CBFA2T2: variants seen among roughly 807,000 people sequenced by gnomAD.
CBFA2T2 encodes the protein protein CBFA2T2.
CBFA2T2 carries 11 observed loss-of-function variants against 62.2 expected under a neutral mutation model. That is an observed-to-expected ratio of 0.18 (90% CI 0.11 to 0.29). The LOEUF (loss-of-function observed/expected upper bound fraction) is 0.29, where lower values mean the gene tolerates loss of function less well. Among genes scored for constraint, CBFA2T2 ranks in the 10% least tolerant of loss-of-function variants. The pLI is 1.00. For missense variants in CBFA2T2, 592 were observed against 774.1 expected, an observed-to-expected ratio of 0.76 and a Z score of 2.79; for synonymous variants, 295 against 287.5, an observed-to-expected ratio of 1.03 and a Z score of -0.27.
intron 1 of CBFA2T2, among the ~76,000 whole-genome samples, chr20:33,505,156 A>G (rs2011380305): frequency 6.6e-6 from 1 of 152,102 alleles, no homozygotes; most frequent in Non-Finnish European, 1.5e-5. Context: ...AGAATGTGAG[A>G]GTGTGGCTTT....
chr20:33,569,547 A>G (rs1241397012), intron 1 of CBFA2T2, among the ~76,000 whole-genome samples: 1 of 152,214 alleles, frequency 6.6e-6, no homozygotes, highest in Non-Finnish European at 1.5e-5. Context: ...AGGACAATCC[A>G]AAGTTGTTAT....
At chr20:33,523,525 A>AGCT (rs1156393422) in intron 1 of CBFA2T2, among the ~76,000 whole-genome samples, 2 of 152,206 alleles carry the variant, frequency 1.3e-5, no homozygotes, top group Non-Finnish European at 2.9e-5. Flanking sequence ...TCTAGATGAG[A>AGCT]GAGGTTTTAC....
chr20:33,490,694 C>T (rs1004535559), intron 1 of CBFA2T2, among the ~76,000 whole-genome samples: 4 of 152,170 alleles, frequency 2.6e-5, no homozygotes, highest in Admixed American at 1.3e-4. Context: ...TGAGAATGGC[C>T]CCTCGGAGGG....
chr20:33,588,326 T>A (rs1601015756), intron 1 of CBFA2T2, among the ~76,000 whole-genome samples: 1 of 151,492 alleles, frequency 6.6e-6, no homozygotes, highest in African/African-American at 2.4e-5. Flanking sequence ...AACTATTTTT[T>A]ATAAATAGAA....
intron 1 of CBFA2T2, among the ~76,000 whole-genome samples, chr20:33,559,513 G>T (rs1291461363): frequency 6.6e-6 from 1 of 151,578 alleles, no homozygotes; most frequent in African/African-American, 2.4e-5. Context: ...GTTGAGACAG[G>T]GTCTTCCTCT....
intron 8 of CBFA2T2, among the ~76,000 whole-genome samples, chr20:33,635,121 C>G (rs1197475400): frequency 1.3e-5 from 2 of 152,186 alleles, no homozygotes; most frequent in Non-Finnish European, 2.9e-5. Flanking sequence ...TTGAATCAGT[C>G]TACCAAGTAG....
chr20:33,594,759 T>C (rs1444147115), intron 1 of CBFA2T2, among the ~76,000 whole-genome samples: 1 of 152,244 alleles, frequency 6.6e-6, no homozygotes, highest in Non-Finnish European at 1.5e-5. Context: ...TCTCTGACTT[T>C]GGCTGCGTAT....
At chr20:33,597,545 T>C (rs569336695) in intron 1 of CBFA2T2, among the ~76,000 whole-genome samples, 2 of 152,302 alleles carry the variant, frequency 1.3e-5, no homozygotes, top group Non-Finnish European at 2.9e-5. Flanking sequence ...GCCATGGCAT[T>C]AGATTCTCAT....
chr20:33,603,809 T>A (rs1486834144), intron 1 of CBFA2T2, among the ~76,000 whole-genome samples: 1 of 152,236 alleles, frequency 6.6e-6, no homozygotes, highest in Non-Finnish European at 1.5e-5. Flanking sequence ...AGCACATAAC[T>A]ATCATTTTCA....
At chr20:33,551,253 G>C (rs1600959671) in intron 1 of CBFA2T2, among the ~76,000 whole-genome samples, 1 of 141,554 alleles carries the variant, frequency 7.1e-6, no homozygotes, top group Non-Finnish European at 1.5e-5. Context: ...TTTCGCTGTT[G>C]TCGCCCAGGC....
At chr20:33,570,578 G>A (rs2013520621) in intron 1 of CBFA2T2, among the ~76,000 whole-genome samples, 1 of 152,164 alleles carries the variant, frequency 6.6e-6, no homozygotes, top group African/African-American at 2.4e-5. Flanking sequence ...TTTGGAGCTA[G>A]TACATGTTGG....
chr20:33,643,141 TG>T (rs1350122856), intron 10 of CBFA2T2, among the ~76,000 whole-genome samples: 1 of 152,112 alleles, frequency 6.6e-6, no homozygotes, highest in Non-Finnish European at 1.5e-5. Flanking sequence ...TGGTCTGGTG[TG>T]GGGGAGGAAG....
At chr20:33,581,480 T>TTGTGTGTG (rs3051490) in intron 1 of CBFA2T2, among the ~76,000 whole-genome samples, 2,254 of 150,656 alleles carry the variant, frequency 0.015, 50 homozygotes, top group African/African-American at 0.052. Flanking sequence ...TTTTTGTTCT[T>TTGTGTGTG]TGTGTGTGTG....
In CBFA2T2 at chr20:33,612,671, A is replaced by G. The variant is rs2015572344; in HGVS notation, c.420+1336A>G. Among the ~76,000 whole-genome samples, 4 of 152,322 alleles carry G rather than the reference A, an allele frequency of 2.6e-5. No homozygotes were observed. In the East Asian group the frequency reaches 5.8e-4, roughly 22 times the overall value. ...AAAAATCACACCTCAGTCTGAACCAATATAGTTATTTTTTATTTTAATTAA... is the reference window on the plus strand; with the variant it reads ...AAAAATCACACCTCAGTCTGAACCAGTATAGTTATTTTTTATTTTAATTAA... On this transcript the variant is annotated intron_variant, in intron 3 of 10. Coordinates refer to ENST00000342704, the MANE Select transcript of CBFA2T2 (RefSeq NM_001032999.3).
chr20:33,643,224 A>C (rs2122401113), intron 10 of CBFA2T2, among the ~76,000 whole-genome samples: 1 of 152,298 alleles, frequency 6.6e-6, no homozygotes, highest in Non-Finnish European at 1.5e-5. Context: ...TATACCCTTA[A>C]AGGAGTCAGT....
intron 1 of CBFA2T2, among the ~76,000 whole-genome samples, chr20:33,557,493 C>A (rs2012935954): frequency 6.6e-6 from 1 of 151,536 alleles, no homozygotes; most frequent in African/African-American, 2.4e-5. Flanking sequence ...AGTGTGTTTG[C>A]GTGTGTATTT....
At chr20:33,643,802 T>C (rs1376245787) in intron 10 of CBFA2T2, among the ~76,000 whole-genome samples, 2 of 48,620 alleles carry the variant, frequency 4.1e-5, no homozygotes, top group African/African-American at 1.6e-4. Context: ...TATATATATA[T>C]ATATATATAT....
chr20:33,588,346 G>T (rs1431744935), intron 1 of CBFA2T2, among the ~76,000 whole-genome samples: 1 of 150,662 alleles, frequency 6.6e-6, no homozygotes, highest in East Asian at 1.9e-4. Flanking sequence ...ATAGAAACAG[G>T]TGCAAATGAA....
chr20:33,586,572 A>G (rs2014380356), intron 1 of CBFA2T2, among the ~76,000 whole-genome samples: 1 of 152,214 alleles, frequency 6.6e-6, no homozygotes, highest in African/African-American at 2.4e-5. Context: ...AGCCATTTAT[A>G]TTCTATAGCA....
Sources: gnomAD v4.1 joint callset for allele counts (sites outside exome capture counted in the v4.1 genomes callset) on GRCh38, gnomAD v4.1.1 for gene constraint, MANE v1.5 for transcripts, NCBI Gene and HGNC (gene_info 2026-07-23, HGNC 2026-07-21) for gene names.